Variants in SYNPO2 observed in about 807,000 individuals in gnomAD.
SYNPO2 encodes the protein synaptopodin-2.
SYNPO2 carries 56 observed loss-of-function variants against 85.0 expected under a neutral mutation model. The observed-to-expected ratio is 0.66, with a 90% CI of 0.53 to 0.82. SYNPO2 has a LOEUF of 0.82. Ranked by LOEUF, SYNPO2 falls within the 40% of genes least tolerant of loss-of-function variation. The probability of loss-of-function intolerance (pLI) is 0.00; values close to 1 mark genes in which losing one functional copy is unlikely to be tolerated. For missense variants in SYNPO2, 1,575 were observed against 1,534.2 expected (o/e 1.03, Z -0.44); for synonymous variants, 602 against 591.1 (o/e 1.02, Z -0.27).
At chr4:118,925,174 T>A in intron 1 of SYNPO2, among the ~76,000 whole-genome samples, 1 of 152,158 alleles carries the variant, frequency 6.6e-6, no homozygotes, top group Non-Finnish European at 1.5e-5. Flanking sequence ...ATCATTTCAG[T>A]GCCATGGTTA....
At chr4:118,957,789 G>T (rs34123613) in intron 1 of SYNPO2, among the ~76,000 whole-genome samples, 3 of 151,992 alleles carry the variant, frequency 2.0e-5, no homozygotes, top group Admixed American at 6.5e-5. Context: ...ATGACTCAGC[G>T]TGTCTGTTAT....
intron 1 of SYNPO2, among the ~76,000 whole-genome samples, chr4:118,900,782 T>TCTAC (rs1553936268): frequency 7.4e-4 from 109 of 147,394 alleles, no homozygotes; most frequent in African/African-American, 2.6e-3. Context: ...TATCTATCTA[T>TCTAC]CTATAGATAT....
chr4:118,852,173 G>A (rs1009591375), intron 1 of SYNPO2, among the ~76,000 whole-genome samples: 2 of 152,170 alleles, frequency 1.3e-5, no homozygotes, highest in East Asian at 1.9e-4. Context: ...ACAATGAGCT[G>A]CCATCTCACA....
chr4:118,907,780 T>C (rs1351155752), intron 1 of SYNPO2, among the ~76,000 whole-genome samples: 1 of 152,150 alleles, frequency 6.6e-6, no homozygotes, highest in Non-Finnish European at 1.5e-5. Context: ...GGAAAAACTA[T>C]ACCAGCCAGA....
At chr4:118,976,682 A>G (rs1255269210) in intron 1 of SYNPO2, among the ~76,000 whole-genome samples, 1 of 152,186 alleles carries the variant, frequency 6.6e-6, no homozygotes, top group Admixed American at 6.5e-5. Flanking sequence ...AGGCCCCACC[A>G]GAGCAGCTAG....
chr4:119,045,821 T>C (rs1298779072), intron 4 of SYNPO2, among the ~76,000 whole-genome samples: 1 of 152,252 alleles, frequency 6.6e-6, no homozygotes, highest in Non-Finnish European at 1.5e-5. Context: ...TCTATATTAA[T>C]ACAAGTATTG....
intron 1 of SYNPO2, among the ~76,000 whole-genome samples, chr4:118,936,562 A>G (rs1261771226): frequency 2.6e-5 from 4 of 152,140 alleles, no homozygotes; most frequent in African/African-American, 9.7e-5. Context: ...ATTACTGTTA[A>G]TGCTCTCCAG....
At chr4:119,028,355 C>T (rs1372419616) in intron 3 of SYNPO2, among the ~76,000 whole-genome samples, 1 of 151,640 alleles carries the variant, frequency 6.6e-6, no homozygotes, top group Non-Finnish European at 1.5e-5. Flanking sequence ...ATTAAGTCTT[C>T]TAACCTATTG....
At chr4:118,965,870 C>G (rs1560920166) in intron 1 of SYNPO2, among the ~76,000 whole-genome samples, 1 of 151,842 alleles carries the variant, frequency 6.6e-6, no homozygotes, top group Non-Finnish European at 1.5e-5. Flanking sequence ...ATCACTTGAG[C>G]CCAGGAGTTC....
rs1371156508 is a variant in SYNPO2 at position 119,059,961 on chromosome 4, T to A, written c.*2027T>A. 1.3e-5 allele frequency: 2 copies of A among 152,324 alleles called. No homozygotes were observed. Among genetic ancestry groups the A allele is most frequent in the African/African-American group, 4.8e-5 (2 of 41,580 alleles). The allele number at this position is 152,324 out of a possible 1,614,324, so 9.4% of individuals were successfully genotyped here. On this transcript the variant is annotated 3_prime_UTR_variant, in exon 5 of 5. Coordinates refer to ENST00000307142, the MANE Select transcript of SYNPO2 (RefSeq NM_133477.3). Reference sequence around the variant, plus strand: ...GATGTATAGATTAGTTAGCAAATTCTCAGAAATCCCCCACATAAAAGCCTT... The same window carrying A: ...GATGTATAGATTAGTTAGCAAATTCACAGAAATCCCCCACATAAAAGCCTT...
At chr4:118,879,554 A>G (rs1363418645) in intron 1 of SYNPO2, among the ~76,000 whole-genome samples, 1 of 152,220 alleles carries the variant, frequency 6.6e-6, no homozygotes, top group Non-Finnish European at 1.5e-5. Context: ...GAGGGCACTC[A>G]GCAGACAGTG....
Position 119,027,290 on chromosome 4 carries a change from T to C in SYNPO2, c.921T>C (p.Cys307=), listed in dbSNP as rs1578656636. The C allele has an allele frequency of 1.2e-6, 2 of 1,614,136 alleles. No homozygotes were observed. The highest frequency in any genetic ancestry group is 3.3e-4 in the Middle Eastern group (2 of 6,062). ...GCAGGCTTCAGGCAGGAAAGGAGTGTGTGGATTCTCCAGTGGAAGGAGGGC... is the reference window on the plus strand; with the variant it reads ...GCAGGCTTCAGGCAGGAAAGGAGTGCGTGGATTCTCCAGTGGAAGGAGGGC... ...EGCRLQAGKE[C]VDSPVEGGQS... Residue 307 remains cysteine, a synonymous_variant, in exon 3 of 5, where the codon TGT becomes TGC. Transcript: ENST00000307142.
At chr4:119,013,918 C>G (rs866286854) in intron 1 of SYNPO2, among the ~76,000 whole-genome samples, 1 of 152,194 alleles carries the variant, frequency 6.6e-6, no homozygotes, top group African/African-American at 2.4e-5. Flanking sequence ...TGCAGTACAA[C>G]TTTAGAAACT....
chr4:118,874,255 C>G (rs1000916407), intron 1 of SYNPO2, among the ~76,000 whole-genome samples: 1 of 152,026 alleles, frequency 6.6e-6, no homozygotes, highest in Non-Finnish European at 1.5e-5. Context: ...CTTCCAGAAG[C>G]CTAAGGGCAA....
intron 1 of SYNPO2, among the ~76,000 whole-genome samples, chr4:118,875,910 C>T (rs1489511678): frequency 1.3e-5 from 2 of 152,206 alleles, no homozygotes; most frequent in African/African-American, 4.8e-5. Context: ...TGCAATTAAA[C>T]CACATACATA....
intron 1 of SYNPO2, among the ~76,000 whole-genome samples, chr4:118,891,758 G>C (rs1231689142): frequency 6.6e-6 from 1 of 152,206 alleles, no homozygotes; most frequent in Non-Finnish European, 1.5e-5. Flanking sequence ...AGAAAGGCTA[G>C]AGAGATGGTT....
intron 1 of SYNPO2, among the ~76,000 whole-genome samples, chr4:118,866,889 G>C (rs954007043): frequency 1.3e-5 from 2 of 152,088 alleles, no homozygotes; most frequent in Non-Finnish European, 2.9e-5. Context: ...CCCAGTCTCA[G>C]GTAGTTCTTT....
At chr4:118,907,092 G>T (rs182915949) in intron 1 of SYNPO2, among the ~76,000 whole-genome samples, 1 of 152,064 alleles carries the variant, frequency 6.6e-6, no homozygotes, top group Non-Finnish European at 1.5e-5. Context: ...TGGATTACAG[G>T]TGTGAGACAC....
chr4:118,914,626 G>A (rs1310025245), intron 1 of SYNPO2, among the ~76,000 whole-genome samples: 1 of 151,968 alleles, frequency 6.6e-6, no homozygotes, highest in Non-Finnish European at 1.5e-5. Context: ...AAAATGATAG[G>A]GATGGAAGCC....
Sources: gnomAD v4.1 joint callset for allele counts (sites outside exome capture counted in the v4.1 genomes callset) on GRCh38, gnomAD v4.1.1 for gene constraint, MANE v1.5 for transcripts, NCBI Gene and HGNC (gene_info 2026-07-23, HGNC 2026-07-21) for gene names.